SELENOK: variants seen among roughly 807,000 people sequenced by gnomAD.
SELENOK encodes the protein selenoprotein K.
SELENOK carries 11 observed loss-of-function variants against 17.3 expected under a neutral mutation model. The ratio of observed to expected loss-of-function variants is 0.63; its 90% confidence interval spans 0.40 to 1.05. The LOEUF is 1.05. SELENOK is among the 50% of genes least tolerant of loss of function. The probability of loss-of-function intolerance (pLI) is 0.00; values close to 1 mark genes in which losing one functional copy is unlikely to be tolerated. For synonymous variants in SELENOK, 45 were observed against 35.4 expected (o/e 1.27, Z -0.97); for missense variants, 125 against 113.9 (o/e 1.10, Z -0.44).
At chr3:53,885,743 C>G in intron 4 of SELENOK, 83 bp downstream of exon 4, 1 of 1,277,308 alleles carries the variant, frequency 7.8e-7, no homozygotes, top group Non-Finnish European at 1.1e-6. Flanking sequence ...TTATAAGCTG[C>G]TGGGCAACTT....
rs374114556 is a variant in SELENOK at position 53,886,945 on chromosome 3, G to A, written c.111-11C>T. The A allele has an allele frequency of 2.6e-6, 4 of 1,537,006 alleles. No individual in the cohort carries two copies. Among genetic ancestry groups the A allele is most frequent in the African/African-American group, 2.8e-5 (2 of 72,344 alleles). On this transcript the variant is annotated splice_polypyrimidine_tract_variant and intron_variant, in intron 2 of 4. Coordinates refer to ENST00000495461, the MANE Select transcript of SELENOK (RefSeq NM_021237.5). Reference sequence around the variant, plus strand: ...AGCAGAGTTTTGAAACTGAAACAAGGGGCAGAAAACAACAAAGGTATCACT... The same window carrying A: ...AGCAGAGTTTTGAAACTGAAACAAGAGGCAGAAAACAACAAAGGTATCACT...
Position 53,885,483 on chromosome 3 carries a change from C to G in SELENOK, c.*75G>C, listed in dbSNP as rs955206499. 2.1e-5 allele frequency: 31 copies of G among 1,449,858 alleles called. No individual in the cohort carries two copies. In the African/African-American group the frequency reaches 3.9e-4, roughly 18 times the overall value. 89.8% of individuals were successfully genotyped at this position (1,449,858 alleles called of 1,614,324 possible). A position where few individuals can be genotyped will look rare whatever the true frequency, so the allele number is the denominator to read the frequency against. Reference sequence around the variant, plus strand: ...ACATTCATCTACTGCTCATCATGGTCAGCCTTCCACTTCTTGATGGTTTCC... The same window carrying G: ...ACATTCATCTACTGCTCATCATGGTGAGCCTTCCACTTCTTGATGGTTTCC... On this transcript the variant is annotated 3_prime_UTR_variant, in exon 5 of 5. Coordinates refer to ENST00000495461, the MANE Select transcript of SELENOK (RefSeq NM_021237.5).
In SELENOK at chr3:53,891,827, G is replaced by T. The variant is rs772072081; in HGVS notation, c.-39C>A. 1.2e-6 allele frequency: 2 copies of T among 1,612,954 alleles called. No individual in the cohort carries two copies. Among genetic ancestry groups the T allele is most frequent in the Non-Finnish European group, 1.7e-6 (2 of 1,179,004 alleles). On this transcript the variant is annotated 5_prime_UTR_variant, in exon 1 of 5. Transcript: ENST00000495461. ...CCCGCTTCGGAGCCACCGGGCGCCTGGCCCCTGTCGGTTTCTGTATCTCCC... is the reference window on the plus strand; with the variant it reads ...CCCGCTTCGGAGCCACCGGGCGCCTTGCCCCTGTCGGTTTCTGTATCTCCC...
chr3:53,888,767 A>T (rs1205873294), intron 1 of SELENOK, among the ~76,000 whole-genome samples: 1 of 152,210 alleles, frequency 6.6e-6, no homozygotes, highest in Non-Finnish European at 1.5e-5. Context: ...CTATAAATAT[A>T]TAACAAAGGC....
chr3:53,888,478 C>T lies in SELENOK; in HGVS notation c.25G>A (p.Val9Met), dbSNP rs751533368. 3 of 1,607,272 alleles carry T rather than the reference C, an allele frequency of 1.9e-6. No individual in the cohort carries two copies. The highest frequency in any genetic ancestry group is 1.1e-5 in the South Asian group (1 of 90,974). MVYISNGQ[V>M]LDSRSQSPWR... ...GGAGACTGACTCCGGCTGTCCAACACTTGTCCTACAGATAAGAATTAAAGA... is the reference window on the plus strand; with the variant it reads ...GGAGACTGACTCCGGCTGTCCAACATTTGTCCTACAGATAAGAATTAAAGA... Residue 9 changes from valine to methionine, a missense_variant, in exon 2 of 5, where the codon GTG becomes ATG. Transcript: ENST00000495461.
chr3:53,889,032 G>C (rs1342695012), intron 1 of SELENOK, among the ~76,000 whole-genome samples: 2 of 151,782 alleles, frequency 1.3e-5, no homozygotes, highest in African/African-American at 2.4e-5. Context: ...ACTCCAGCCT[G>C]GGCGACAGAG....
At chr3:53,886,199 T>G (rs28374298) in intron 3 of SELENOK, among the ~76,000 whole-genome samples, 12,129 of 152,186 alleles carry the variant, frequency 0.08, 788 homozygotes, top group East Asian at 0.23. Context: ...TTTTGCCAGG[T>G]AGAAACATAA....
chr3:53,888,783 G>A (rs941495954), intron 1 of SELENOK, among the ~76,000 whole-genome samples: 9 of 152,148 alleles, frequency 5.9e-5, no homozygotes, highest in South Asian at 2.1e-4. Context: ...AAGGCTGGGC[G>A]CGGTGGCTCA....
intron 1 of SELENOK, among the ~76,000 whole-genome samples, chr3:53,889,375 CT>C (rs1700151425): frequency 1.3e-5 from 2 of 152,208 alleles, no homozygotes; most frequent in Non-Finnish European, 2.9e-5. Flanking sequence ...AATTTCTATC[CT>C]TTAGTGACCA....
intron 2 of SELENOK, among the ~76,000 whole-genome samples, chr3:53,887,374 A>C (rs1700135144): frequency 6.6e-6 from 1 of 152,244 alleles, no homozygotes; most frequent in Non-Finnish European, 1.5e-5. Context: ...ATGTAAAATT[A>C]TATGGAAGGA....
chr3:53,887,404 T>C (rs771285247), intron 2 of SELENOK, among the ~76,000 whole-genome samples: 9 of 152,216 alleles, frequency 5.9e-5, no homozygotes, highest in Non-Finnish European at 1.2e-4. Flanking sequence ...GTTTAAAAAG[T>C]ACTTTTATAA....
intron 1 of SELENOK, among the ~76,000 whole-genome samples, chr3:53,889,845 A>G (rs1700155109): frequency 6.6e-6 from 1 of 152,258 alleles, no homozygotes; most frequent in African/African-American, 2.4e-5. Context: ...ACTGTTTTCT[A>G]TAACAGCATA....
At chr3:53,886,314 G>A (rs914031137) in intron 3 of SELENOK, among the ~76,000 whole-genome samples, 1 of 152,072 alleles carries the variant, frequency 6.6e-6, no homozygotes, top group Admixed American at 6.6e-5. Context: ...TCAGCTCACT[G>A]CAACCTCTAC....
rs9878207 is a variant in SELENOK, at chr3:53,884,834, C to T, written c.*724G>A. Reference sequence around the variant, plus strand: ...TTTTGTTATTTTAGGTTTCGTCATGCTGCAGGCTGGTCTCAAACTCGTGAA... The same window carrying T: ...TTTTGTTATTTTAGGTTTCGTCATGTTGCAGGCTGGTCTCAAACTCGTGAA... On this transcript the variant is annotated 3_prime_UTR_variant, in exon 5 of 5. Coordinates refer to ENST00000495461, the MANE Select transcript of SELENOK (RefSeq NM_021237.5). 85,987 of 152,118 alleles carry T rather than the reference C, an allele frequency of 0.57. 25,992 individuals are homozygous for T. Among genetic ancestry groups the T allele is most frequent in the East Asian group, 0.95 (4,915 of 5,184 alleles). The allele number at this position is 152,118 out of a possible 1,614,324, so 9.4% of individuals were successfully genotyped here.
chr3:53,888,347 C>A (rs751243531), intron 2 of SELENOK, 46 bp downstream of exon 2: 36 of 1,197,472 alleles, frequency 3.0e-5, no homozygotes, highest in Non-Finnish European at 4.2e-5. Flanking sequence ...TGATGTATAC[C>A]TGTCAACTTA....
chr3:53,888,194 CAT>C (rs2107090032), intron 2 of SELENOK, 197 bp downstream of exon 2: 5 of 504,070 alleles, frequency 9.9e-6, no homozygotes, highest in Non-Finnish European at 1.8e-5. Flanking sequence ...ATCCAACTAA[CAT>C]ATACTCATAA....
In SELENOK at chr3:53,891,758, C is replaced by T. The variant is rs1377684973; in HGVS notation, c.19+12G>A. On this transcript the variant is annotated intron_variant, in intron 1 of 4. Transcript: ENST00000495461. Reference sequence around the variant, plus strand: ...AGTCACCGGTCGAAGCCACAGCCCGCTCTCAACTTACCGTTCGAGATGTAA... The same window carrying T: ...AGTCACCGGTCGAAGCCACAGCCCGTTCTCAACTTACCGTTCGAGATGTAA... 16 of 1,613,864 alleles carry T rather than the reference C, an allele frequency of 9.9e-6. No homozygotes were observed. The highest frequency in any genetic ancestry group is 2.7e-5 in the African/African-American group (2 of 74,954).
chr3:53,889,877 A>T (rs1161478318), intron 1 of SELENOK, among the ~76,000 whole-genome samples: 1 of 152,236 alleles, frequency 6.6e-6, no homozygotes, highest in Non-Finnish European at 1.5e-5. Flanking sequence ...AATAGACTCT[A>T]GCTTTATCTT....
intron 1 of SELENOK, among the ~76,000 whole-genome samples, chr3:53,890,056 C>T (rs1446137091): frequency 6.6e-6 from 1 of 152,182 alleles, no homozygotes; most frequent in Non-Finnish European, 1.5e-5. Context: ...CTCACCTCTA[C>T]CCACTCCATG....
Sources: allele counts gnomAD v4.1 joint callset (sites outside exome capture counted in the v4.1 genomes callset), GRCh38; gene constraint gnomAD v4.1.1; transcripts MANE v1.5; gene names NCBI Gene and HGNC (gene_info 2026-07-23, HGNC 2026-07-21).